The following MCTP2 variants were observed in gnomAD, a reference collection of about 807,000 sequenced individuals.
MCTP2 encodes the protein multiple C2 and transmembrane domain containing 2.
In MCTP2, 132 loss-of-function variants were observed where a neutral mutation model predicts 111.6. That is an observed-to-expected ratio of 1.18 (90% CI 1.03 to 1.37). MCTP2 has a LOEUF of 1.37. Ranked by LOEUF, MCTP2 falls within the 40% of genes most tolerant of loss-of-function variation. The pLI, the probability that MCTP2 is intolerant of heterozygous loss-of-function variation, is 0.00. For synonymous variants in MCTP2, 395 were observed against 387.7 expected (o/e 1.02, Z -0.22); for missense variants, 1,183 against 1,067.9 (o/e 1.11, Z -1.50).
chr15:94,468,324 A>T (rs1163852398), intron 20 of MCTP2, among the ~76,000 whole-genome samples: 1 of 152,098 alleles, frequency 6.6e-6, no homozygotes, highest in Non-Finnish European at 1.5e-5. Context: ...AGTTTTACAG[A>T]CTGGAAATTA....
chr15:94,262,141 C>G (rs1262158777), intron 1 of MCTP2, among the ~76,000 whole-genome samples: 1 of 152,022 alleles, frequency 6.6e-6, no homozygotes, highest in East Asian at 1.9e-4. Flanking sequence ...ATTTAAAGAG[C>G]TTTTAGTTGG....
chr15:94,354,447 G>A (rs1444092648), intron 8 of MCTP2, among the ~76,000 whole-genome samples: 2 of 152,090 alleles, frequency 1.3e-5, no homozygotes, highest in Non-Finnish European at 2.9e-5. Flanking sequence ...CTTGAGATCT[G>A]ATGGCTTTAT....
chr15:94,237,977 C>T (rs1385073649), intron 1 of MCTP2, among the ~76,000 whole-genome samples: 1 of 152,158 alleles, frequency 6.6e-6, no homozygotes, highest in Non-Finnish European at 1.5e-5. Context: ...CCGCCCCGCG[C>T]ACTTTGAGTT....
In MCTP2 at chr15:94,482,170, C is replaced by T. The variant is rs1194468473; in HGVS notation, c.*3136C>T. ...ACAGACTACATTCCCTTGGTAAAGC[C>T]AGACATTAAACAGATACTTTCAAGC... On this transcript the variant is annotated 3_prime_UTR_variant, in exon 23 of 23. Transcript: ENST00000357742. 6.6e-6 allele frequency: 1 copy of T among 152,154 alleles called. No homozygotes were observed. The highest frequency in any genetic ancestry group is 1.5e-5 in the Non-Finnish European group (1 of 68,038). The allele number at this position is 152,154 out of a possible 1,614,324, so 9.4% of individuals were successfully genotyped here.
chr15:94,419,501 C>A (rs80151432), intron 17 of MCTP2, among the ~76,000 whole-genome samples: 1,816 of 152,164 alleles, frequency 0.012, 24 homozygotes, highest in Non-Finnish European at 0.019. Context: ...GATTCTGGAG[C>A]TTCATGAAGC....
intron 19 of MCTP2, among the ~76,000 whole-genome samples, chr15:94,449,480 A>G (rs2084313996): frequency 6.6e-6 from 1 of 152,220 alleles, no homozygotes; most frequent in Non-Finnish European, 1.5e-5. Flanking sequence ...GAAACCTGTC[A>G]TTAATTTATT....
chr15:94,338,440 G>A (rs2077470892), intron 4 of MCTP2, among the ~76,000 whole-genome samples: 1 of 151,090 alleles, frequency 6.6e-6, no homozygotes, highest in Admixed American at 6.6e-5. Context: ...CGACGCACAT[G>A]CATGTAACAC....
chr15:94,358,633 A>G (rs1596466524), intron 10 of MCTP2, 21 bp downstream of exon 10: 1 of 1,612,116 alleles, frequency 6.2e-7, no homozygotes, highest in Admixed American at 1.7e-5. Flanking sequence ...TCTGCTTTCC[A>G]GTGGCGGGAG....
chr15:94,467,417 T>TCA (rs199798042), intron 20 of MCTP2, among the ~76,000 whole-genome samples: 7 of 122,470 alleles, frequency 5.7e-5, no homozygotes, highest in East Asian at 4.3e-4. Context: ...TACTTACTTT[T>TCA]ATTATAATAA....
chr15:94,363,476 G>A (rs954698252), intron 10 of MCTP2, among the ~76,000 whole-genome samples: 3 of 152,074 alleles, frequency 2.0e-5, no homozygotes, highest in African/African-American at 7.2e-5. Context: ...GAGCTTTCCA[G>A]GAAGACAGCA....
chr15:94,436,143 GCAGT>G (rs2083465465), intron 17 of MCTP2, among the ~76,000 whole-genome samples: 2 of 152,152 alleles, frequency 1.3e-5, no homozygotes, highest in Non-Finnish European at 2.9e-5. Flanking sequence ...TCTGCGCTCT[GCAGT>G]GGCTCTGGTT....
intron 1 of MCTP2, among the ~76,000 whole-genome samples, chr15:94,245,413 TATACATGTGTGTATATATTTA>T (rs2071827088): frequency 7.3e-6 from 1 of 137,580 alleles, no homozygotes; most frequent in Non-Finnish European, 1.6e-5. Context: ...TATATATTTA[TATACATGTGTGTATATATTTA>T]TATATACACA....
chr15:94,393,764 A>T (rs530208058), intron 14 of MCTP2, among the ~76,000 whole-genome samples: 1 of 152,208 alleles, frequency 6.6e-6, no homozygotes, highest in East Asian at 1.9e-4. Context: ...AAGAAGTCAA[A>T]ATCAGCCAGT....
intron 14 of MCTP2, among the ~76,000 whole-genome samples, chr15:94,387,430 C>T (rs947969594): frequency 5.9e-5 from 9 of 152,044 alleles, no homozygotes; most frequent in African/African-American, 9.7e-5. Context: ...AGTCAAGAAC[C>T]GCTGACCTAA....
At chr15:94,461,883 A>T (rs570040256) in intron 20 of MCTP2, among the ~76,000 whole-genome samples, 1 of 152,328 alleles carries the variant, frequency 6.6e-6, no homozygotes, top group East Asian at 1.9e-4. Context: ...AATGAGAGAC[A>T]GATGCATTTT....
At chr15:94,285,882 C>T (rs979008505) in intron 1 of MCTP2, among the ~76,000 whole-genome samples, 2 of 152,108 alleles carry the variant, frequency 1.3e-5, no homozygotes, top group Non-Finnish European at 2.9e-5. Flanking sequence ...TGTTTCCTTC[C>T]AAGAACATGG....
rs760633548 is a variant in MCTP2 at position 94,257,569 on chromosome 15, G to GTTTTT, written c.-66+25936_-66+25940dup. 3.2e-3 allele frequency among the ~76,000 whole-genome samples: 108 copies of GTTTTT among 33,826 alleles called. 26 individuals are homozygous for GTTTTT. Among genetic ancestry groups the GTTTTT allele is most frequent in the Non-Finnish European group, 4.1e-3 (75 of 18,294 alleles). The allele number at this position is 33,826 out of a possible 152,430, so 22.2% of individuals were successfully genotyped here. A position where few individuals can be genotyped will look rare whatever the true frequency, so the allele number is the denominator to read the frequency against. On this transcript the variant is annotated intron_variant, in intron 1 of 22. Transcript: ENST00000357742. ...AATATTTGTTGTCATTTTCTTTGTT[G>GTTTTT]TTTTTTTTTTTTTTTTTTTTTTTTT...
At chr15:94,253,309 C>G (rs2152270666) in intron 1 of MCTP2, among the ~76,000 whole-genome samples, 1 of 152,302 alleles carries the variant, frequency 6.6e-6, no homozygotes, top group Non-Finnish European at 1.5e-5. Flanking sequence ...CAGTCTTCCA[C>G]CTTACCTTCT....
At position 94,407,775 on chromosome 15, in the gene MCTP2, GCACACACACACACACACA is replaced by G. The variant is rs57851445; in HGVS notation, c.2085+5781_2085+5798del. ...ACCCTTCCAACACACATGTACTTGT[GCACACACACACACACACA>G]CACACACACACACACACACACACAT... On this transcript the variant is annotated intron_variant, in intron 17 of 22. Transcript: ENST00000357742. 1.6e-3 allele frequency among the ~76,000 whole-genome samples: 232 copies of G among 147,782 alleles called. 1 individual carries two copies. Among genetic ancestry groups the G allele is most frequent in the African/African-American group, 4.7e-3 (188 of 40,182 alleles).
Sources: gnomAD v4.1 joint callset for allele counts (sites outside exome capture counted in the v4.1 genomes callset) on GRCh38, gnomAD v4.1.1 for gene constraint, MANE v1.5 for transcripts, NCBI Gene and HGNC (gene_info 2026-07-23, HGNC 2026-07-21) for gene names.